Variants in MON2 observed in about 807,000 individuals in gnomAD.
MON2 encodes the protein MON2 regulator of endosome-to-Golgi trafficking.
A neutral mutation model predicts 208.6 loss-of-function variants in MON2; 84 were observed. The observed-to-expected ratio is 0.40, with a 90% confidence interval of 0.34 to 0.48. The LOEUF (loss-of-function observed/expected upper bound fraction) is 0.48. MON2 is among the 20% of genes least tolerant of loss of function. MON2 has a pLI of 0.59. For synonymous variants in MON2, 660 were observed against 694.0 expected, an observed-to-expected ratio of 0.95 and a Z score of 0.77; for missense variants, 1,611 against 2,015.4, an observed-to-expected ratio of 0.80 and a Z score of 3.84.
rs908239977 is a variant in MON2 at position 62,496,535 on chromosome 12, T to A, written c.435+1388T>A. Among the ~76,000 whole-genome samples the A allele has an allele frequency of 2.6e-5, 4 of 152,308 alleles. No individual in the cohort carries two copies. The East Asian group carries it at 7.7e-4, about 29-fold the overall frequency. On this transcript the variant is annotated intron_variant, in intron 4 of 34. Transcript: ENST00000393630. ...TGTCTTTTAGTTAAGGTGATAGGCA[T>A]TGATTCTAAAACTACCATTATGTTT...
intron 29 of MON2, among the ~76,000 whole-genome samples, chr12:62,567,680 C>T (rs1592420216): frequency 6.6e-6 from 1 of 152,280 alleles, no homozygotes; most frequent in East Asian, 1.9e-4. Context: ...ATTTATTGAG[C>T]ATATTTTTGA....
chr12:62,520,822 A>G (rs1254949549), intron 8 of MON2, among the ~76,000 whole-genome samples: 2 of 147,772 alleles, frequency 1.4e-5, no homozygotes, highest in African/African-American at 4.9e-5. Context: ...AAAGTATATA[A>G]GATATTATAT....
chr12:62,478,705 G>T (rs1231895931), intron 1 of MON2, among the ~76,000 whole-genome samples: 1 of 152,198 alleles, frequency 6.6e-6, no homozygotes, highest in Admixed American at 6.5e-5. Context: ...TTTAAAAGAT[G>T]TCCTTACACT....
In MON2 at chr12:62,525,223, A is replaced by G. The variant is rs1565646332; in HGVS notation, c.1246+3A>G. The G allele has an allele frequency of 1.9e-6, 3 of 1,612,834 alleles. No individual in the cohort carries two copies. Among genetic ancestry groups the G allele is most frequent in the Admixed American group, 1.7e-5 (1 of 59,960 alleles). On this transcript the variant is annotated splice_donor_region_variant and intron_variant, in intron 10 of 34. Coordinates refer to ENST00000393630, the MANE Select transcript of MON2 (RefSeq NM_015026.3). ...TCCTGCAACAAGCAACCAAGCTGGT[A>G]AAAACATATTCATAATTTTGTTTCT... is the stretch of plus-strand genomic sequence containing the variant.
rs554820174 is a variant in MON2, at chr12:62,510,926, T to G, written c.984+2446T>G. 5.3e-5 allele frequency among the ~76,000 whole-genome samples: 8 copies of G among 152,294 alleles called. No homozygotes were observed. The South Asian group carries it at 1.7e-3, about 32-fold the overall frequency. Reference sequence around the variant, plus strand: ...ACACCAGAAAAACTGTTAGAACTAATAAACATAGCAAAGTTGCAAATATGT... The same window carrying G: ...ACACCAGAAAAACTGTTAGAACTAAGAAACATAGCAAAGTTGCAAATATGT... On this transcript the variant is annotated intron_variant, in intron 8 of 34. Transcript: ENST00000393630.
intron 34 of MON2, among the ~76,000 whole-genome samples, chr12:62,588,668 A>G (rs1236861750): frequency 1.3e-5 from 2 of 152,016 alleles, no homozygotes. Flanking sequence ...TTATTTCCTC[A>G]TCCTCCCAAA....
At chr12:62,589,156 G>A (rs2075313092) in intron 34 of MON2, among the ~76,000 whole-genome samples, 2 of 152,148 alleles carry the variant, frequency 1.3e-5, no homozygotes, top group South Asian at 4.1e-4. Flanking sequence ...TACTGGTCTG[G>A]GACAAGATAG....
At position 62,526,097 on chromosome 12, in the gene MON2, C is replaced by T. The variant is rs746075130; in HGVS notation, c.1395C>T (p.Ala465=). 2 of 1,612,960 alleles carry T rather than the reference C, an allele frequency of 1.2e-6. No homozygotes were observed. Among genetic ancestry groups the T allele is most frequent in the South Asian group, 1.1e-5 (1 of 90,998 alleles). ...TCACAGTTCAAGGCAGTGCTAAAGC[C>T]ACCTAGTAAGTAGTAGCAGCATTAT... ...LTITVQGSAK[A]TYLEMLDKVE... is the part of the protein sequence containing the mutation. Residue 465 remains alanine (A), a synonymous_variant, in exon 11 of 35, where the codon GCC becomes GCT. Coordinates refer to ENST00000393630, the MANE Select transcript of MON2 (RefSeq NM_015026.3).
intron 12 of MON2, 115 bp from the exon 13 acceptor site, chr12:62,534,730 A>G: frequency 4.4e-6 from 3 of 679,078 alleles, no homozygotes; most frequent in Non-Finnish European, 7.5e-6. Context: ...TTAATAATTA[A>G]GTTGTTAATG....
chr12:62,514,458 T>C (rs1193678149), intron 8 of MON2, among the ~76,000 whole-genome samples: 3 of 152,164 alleles, frequency 2.0e-5, no homozygotes, highest in African/African-American at 7.2e-5. Flanking sequence ...GGCCTCACAA[T>C]CTTGGAGGAA....
chr12:62,501,532 T>A (rs2070832822), intron 6 of MON2, 41 bp from the exon 7 acceptor site: 2 of 1,603,286 alleles, frequency 1.2e-6, no homozygotes, highest in Middle Eastern at 3.3e-4. Context: ...GAAAAGCACA[T>A]TTAATTCTAG....
chr12:62,588,257 T>A, intron 34 of MON2, 101 bp downstream of exon 34: 2 of 737,720 alleles, frequency 2.7e-6, no homozygotes, highest in Non-Finnish European at 4.4e-6. Context: ...AACATAGCAG[T>A]CATTAGACTT....
chr12:62,507,857 C>G (rs1350394356), intron 7 of MON2, among the ~76,000 whole-genome samples: 3 of 152,194 alleles, frequency 2.0e-5, no homozygotes, highest in Admixed American at 6.5e-5. Flanking sequence ...CAGCCTTGAC[C>G]TCCTGGGTTC....
At chr12:62,518,036 C>G (rs1367896132) in intron 8 of MON2, among the ~76,000 whole-genome samples, 1 of 152,200 alleles carries the variant, frequency 6.6e-6, no homozygotes. Context: ...AGTCTAAGAT[C>G]AAGCTACTAG....
chr12:62,543,956 A>G (rs1289213186), intron 20 of MON2, among the ~76,000 whole-genome samples: 1 of 152,172 alleles, frequency 6.6e-6, no homozygotes, highest in East Asian at 1.9e-4. Context: ...GTTTGGTAAC[A>G]CTAACTATAG....
At position 62,546,915 on chromosome 12, in the gene MON2, T is replaced by C. The variant is rs2073512057; in HGVS notation, c.2596T>C (p.Leu866=). ...SQNQRLQLLL[L]NPLKEMSNIN... is the part of the protein sequence containing the mutation. ...TTTTCAGAGGCTGCAGTTGCTTTTA[T>C]TGAACCCGTTAAAGGAGATGTCCAA... Residue 866 remains leucine, a synonymous_variant, in exon 22 of 35, where the codon TTG becomes CTG. Transcript: ENST00000393630. 5.0e-6 allele frequency: 8 copies of C among 1,606,738 alleles called. No individual in the cohort carries two copies. The highest frequency in any genetic ancestry group is 1.3e-5 in the African/African-American group (1 of 74,508).
chr12:62,515,639 C>T (rs571070336), intron 8 of MON2, among the ~76,000 whole-genome samples: 13 of 152,026 alleles, frequency 8.6e-5, no homozygotes, highest in Middle Eastern at 3.4e-3. Flanking sequence ...ATGGTGAAAC[C>T]CCGTCTCTAC....
chr12:62,556,187 C>T lies in MON2; in HGVS notation c.3404C>T (p.Pro1135Leu). Residue 1135 changes from proline to leucine, a missense_variant, in exon 25 of 35, where the codon CCT (proline) becomes CTT (leucine). Coordinates refer to ENST00000393630, the MANE Select transcript of MON2 (RefSeq NM_015026.3). ...AACACTAGAAGATATTTGCTGCAGC[C>T]TTTAGGTATACGTACATTTTTTTCT... ...IFNTRRYLLQ[P>L]LGDFSRAWDV... 6.2e-7 allele frequency: 1 copy of T among 1,613,286 alleles called. No homozygotes were observed. The highest frequency in any genetic ancestry group is 8.5e-7 in the Non-Finnish European group (1 of 1,179,768).
chr12:62,505,901 AAAAAC>A (rs541665785), intron 7 of MON2, among the ~76,000 whole-genome samples: 143 of 152,074 alleles, frequency 9.4e-4, no homozygotes, highest in Non-Finnish European at 1.5e-3. Context: ...AAAAACAGAA[AAAAAC>A]AAAACAAAAA....
Sources: gnomAD v4.1 joint callset for allele counts (sites outside exome capture counted in the v4.1 genomes callset) on GRCh38, gnomAD v4.1.1 for gene constraint, MANE v1.5 for transcripts, NCBI Gene and HGNC (gene_info 2026-07-23, HGNC 2026-07-21) for gene names.